The following BMI1 variants were observed in gnomAD, a reference collection of about 807,000 sequenced individuals.
BMI1 encodes the protein polycomb complex protein BMI-1.
BMI1 carries 9 observed loss-of-function variants against 39.1 expected under a neutral mutation model. The ratio of observed to expected loss-of-function variants is 0.23; its 90% CI spans 0.14 to 0.40. The LOEUF (loss-of-function observed/expected upper bound fraction) is 0.40, where lower values mean the gene tolerates loss of function less well. Ranked by LOEUF, BMI1 falls within the 10% of genes least tolerant of loss-of-function variation. BMI1 has a pLI of 1.00. For synonymous variants in BMI1, 131 were observed against 127.9 expected (o/e 1.02, Z -0.16); for missense variants, 252 against 390.8 (o/e 0.64, Z 2.99).
At chr10:22,324,952 A>G (rs148078733) in intron 1 of BMI1, among the ~76,000 whole-genome samples, 10 of 152,184 alleles carry the variant, frequency 6.6e-5, no homozygotes, top group Non-Finnish European at 1.5e-4. Flanking sequence ...GGGGTTTTAC[A>G]TTTGTTTTTC....
rs371194521 is a variant in BMI1, at chr10:22,329,015, C to G, written c.571-33C>G. On this transcript the variant is annotated intron_variant, in intron 8 of 9. Transcript: ENST00000376663. Reference sequence around the variant, plus strand: ...CAAAAAATGTACATTTACCTTTGTTCTTTTATTACTTAATAAAAATATTTT... The same window carrying G: ...CAAAAAATGTACATTTACCTTTGTTGTTTTATTACTTAATAAAAATATTTT... 5.2e-6 allele frequency: 8 copies of G among 1,552,062 alleles called. No individual in the cohort carries two copies. The African/African-American group carries it at 9.7e-5, about 19-fold the overall frequency.
In BMI1 at chr10:22,327,776, T is replaced by C; in HGVS notation, c.300T>C (p.Ala100=). ...EMKRRRDFYA[A]HPSADAANGS... ...AGAGAAGAAGGGATTTTTATGCAGC[T>C]CATCCTTCTGCTGATGGTAAACCTT... The change falls in exon 5 of 10, where the codon GCT becomes GCC. Residue 100 remains alanine, a synonymous_variant. Transcript: ENST00000376663. 2 of 1,613,374 alleles carry C rather than the reference T, an allele frequency of 1.2e-6. No individual in the cohort carries two copies. The highest frequency in any genetic ancestry group is 1.7e-6 in the Non-Finnish European group (2 of 1,179,604).
intron 1 of BMI1, chr10:22,325,580 ACCCCGCCCCCG>A (rs1440143740): frequency 8.8e-5 from 1 of 11,390 alleles, no homozygotes; most frequent in Admixed American, 8.7e-4. Context: ...CGCCGCACCC[ACCCCGCCCCCG>A]CGCCGGCCCC....
At chr10:22,331,693 AT>A (rs1317508928), downstream of BMI1, among the ~76,000 whole-genome samples, 5 of 152,166 alleles carry the variant, frequency 3.3e-5, no homozygotes. Context: ...TGGAATTCAA[AT>A]TTTACATCTC....
intron 3 of BMI1, 39 bp downstream of exon 3, chr10:22,327,025 T>G (rs1343397994): frequency 3.1e-6 from 5 of 1,599,398 alleles, no homozygotes; most frequent in Admixed American, 3.4e-5. Flanking sequence ...TAATTATTAT[T>G]GGAGTTGTAT....
At chr10:22,327,457 T>C in intron 3 of BMI1, 138 bp from the exon 4 acceptor site, 1 of 881,388 alleles carries the variant, frequency 1.1e-6, no homozygotes, top group East Asian at 2.7e-5. Context: ...CTCATAGTTT[T>C]TATCTTATCA....
rs1252094983 is a variant in BMI1 at position 22,331,007 on chromosome 10, AAAAGAAGCACAATTCT to A, written c.*1467_*1482del. 4 of 152,612 alleles carry A rather than the reference AAAAGAAGCACAATTCT, an allele frequency of 2.6e-5. No homozygotes were observed. The highest frequency in any genetic ancestry group is 5.9e-5 in the Non-Finnish European group (4 of 67,982). 9.5% of individuals were successfully genotyped at this position (152,612 alleles called of 1,614,324 possible). A position where few individuals can be genotyped will look rare whatever the true frequency, so the allele number is the denominator to read the frequency against. The stretch of plus-strand genomic sequence containing the variant: ...AAACATTTCATTGTCCCCAGTCTGC[AAAAGAAGCACAATTCT>A]ATTGCTTTGTCTTGCTTATAGTCAT... On this transcript the variant is annotated 3_prime_UTR_variant, in exon 10 of 10. Coordinates refer to ENST00000376663, the MANE Select transcript of BMI1 (RefSeq NM_005180.9).
chr10:22,321,720 C>T (rs1262636115), intron 1 of BMI1, 24 bp downstream of exon 1: 4 of 150,250 alleles, frequency 2.7e-5, no homozygotes, highest in Non-Finnish European at 5.9e-5. Flanking sequence ...GAGGCGCCCC[C>T]GGGACGGGGC....
rs1836251878 is a variant in BMI1 at position 22,330,117 on chromosome 10, G to T, written c.*575G>T. The T allele has an allele frequency of 6.5e-6, 1 of 153,032 alleles. No homozygotes were observed. The highest frequency in any genetic ancestry group is 2.1e-4 in the South Asian group (1 of 4,854). 9.5% of individuals were successfully genotyped at this position (153,032 alleles called of 1,614,324 possible). ...TACGCAAAACCGATCAAAGAAAAGT[G>T]AACTTCAGTTTTACAATCTGTATGC... is the stretch of plus-strand genomic sequence containing the variant. On this transcript the variant is annotated 3_prime_UTR_variant, in exon 10 of 10. Coordinates refer to ENST00000376663, the MANE Select transcript of BMI1 (RefSeq NM_005180.9).
rs1201279338 is a variant in BMI1, at chr10:22,331,024, A to G, written c.*1482A>G. On this transcript the variant is annotated 3_prime_UTR_variant, in exon 10 of 10. Coordinates refer to ENST00000376663, the MANE Select transcript of BMI1 (RefSeq NM_005180.9). ...CAGTCTGCAAAAGAAGCACAATTCT[A>G]TTGCTTTGTCTTGCTTATAGTCATT... 6.6e-6 allele frequency: 1 copy of G among 152,602 alleles called. No homozygotes were observed. The highest frequency in any genetic ancestry group is 2.4e-5 in the African/African-American group (1 of 41,458). The allele number at this position is 152,602 out of a possible 1,614,324, so 9.5% of individuals were successfully genotyped here. A position where few individuals can be genotyped will look rare whatever the true frequency, so the allele number is the denominator to read the frequency against.
Position 22,331,268 on chromosome 10 carries a change from A to G in BMI1, c.*1726A>G, listed in dbSNP as rs1407190151. 6.6e-6 allele frequency: 1 copy of G among 152,332 alleles called. No homozygotes were observed. The highest frequency in any genetic ancestry group is 1.5e-5 in the Non-Finnish European group (1 of 67,978). 9.4% of individuals were successfully genotyped at this position (152,332 alleles called of 1,614,324 possible). On this transcript the variant is annotated 3_prime_UTR_variant, in exon 10 of 10. Transcript: ENST00000376663. ...GATATTCATTTAGAAAATAGCTAAGATCTTTAATAAAAATTTGATATGAAA... is the reference window on the plus strand; with the variant it reads ...GATATTCATTTAGAAAATAGCTAAGGTCTTTAATAAAAATTTGATATGAAA...
intron 7 of BMI1, 68 bp from the exon 8 acceptor site, chr10:22,328,532 A>G (rs1205211660): frequency 1.3e-6 from 2 of 1,497,556 alleles, no homozygotes; most frequent in Non-Finnish European, 1.8e-6. Flanking sequence ...ATATTCAAGC[A>G]ATCAAATTGA....
rs767692282 is a variant in BMI1 at position 22,328,169 on chromosome 10, C to G, written c.461C>G (p.Ser154Cys). 8 of 1,598,988 alleles carry G rather than the reference C, an allele frequency of 5.0e-6. No homozygotes were observed. In the East Asian group the frequency reaches 1.8e-4, roughly 36 times the overall value. The change falls in exon 7 of 10, where the codon TCT becomes TGT. Residue 154 changes from serine (S) to cysteine (C), a missense_variant. By Grantham distance (112) the Ser-to-Cys change is moderately radical. Around this residue, in one of 4 missense-constraint regions of BMI1, gnomAD observed 67 missense variants for 69.9 expected, o/e 0.96. Coordinates refer to ENST00000376663, the MANE Select transcript of BMI1 (RefSeq NM_005180.9). The stretch of plus-strand genomic sequence containing the variant: ...AAAGTAAACAAAGACAAAGAGAAAT[C>G]TAAGGAGGAGGTATGTTTCATGTTA... ...DRKVNKDKEKSKEEVNDKRYL... is the reference protein window; with the variant it reads ...DRKVNKDKEKCKEEVNDKRYL...
In BMI1 at chr10:22,329,165, A is replaced by G. The variant is rs1338298838; in HGVS notation, c.651+37A>G. 2.5e-6 allele frequency: 4 copies of G among 1,610,266 alleles called. No individual in the cohort carries two copies. The African/African-American group carries it at 5.4e-5, about 22-fold the overall frequency. ...ATCTGTTGTTAGATTATGATGGTAAACTATATTTAAAGAATTAAGAGTAAT... is the reference window on the plus strand; with the variant it reads ...ATCTGTTGTTAGATTATGATGGTAAGCTATATTTAAAGAATTAAGAGTAAT... On this transcript the variant is annotated intron_variant, in intron 9 of 9. Coordinates refer to ENST00000376663, the MANE Select transcript of BMI1 (RefSeq NM_005180.9).
chr10:22,328,109 C>G (rs771686563), intron 6 of BMI1, 25 bp from the exon 7 acceptor site: 1 of 1,594,058 alleles, frequency 6.3e-7, no homozygotes, highest in Non-Finnish European at 8.5e-7. Flanking sequence ...TAGATTGTTT[C>G]ACTAATAAAT....
At chr10:22,326,352 A>G in intron 1 of BMI1, 79 bp from the exon 2 acceptor site, 1 of 1,566,630 alleles carries the variant, frequency 6.4e-7, no homozygotes, top group Non-Finnish European at 8.6e-7. Context: ...TTATAAATTC[A>G]GTGTTTCAGG....
At chr10:22,327,860 T>C (rs893856148) in intron 5 of BMI1, 68 bp downstream of exon 5, 5 of 1,600,614 alleles carry the variant, frequency 3.1e-6, no homozygotes, top group Non-Finnish European at 4.3e-6. Flanking sequence ...TAAAATGTAT[T>C]AAAATTGACT....
chr10:22,326,544 T>C lies in BMI1; in HGVS notation c.95T>C (p.Ile32Thr). The change falls in exon 2 of 10, where the codon ATA (isoleucine) becomes ACA (threonine). Residue 32 changes from isoleucine (I) to threonine (T), a missense_variant. Around this residue, in one of 4 missense-constraint regions of BMI1, gnomAD observed 62 missense variants for 123.3 expected, o/e 0.50. Transcript: ENST00000376663. ...GGYFIDATTI[I>T]ECLHSFCKTC... ...TACTTCATTGATGCCACAACCATAA[T>C]AGAATGTCTACATTCCTGTAAGTAC... 4 of 1,613,006 alleles carry C rather than the reference T, an allele frequency of 2.5e-6. No individual in the cohort carries two copies. The highest frequency in any genetic ancestry group is 1.3e-5 in the African/African-American group (1 of 74,984).
intron 3 of BMI1, 72 bp from the exon 4 acceptor site, chr10:22,327,523 C>A: frequency 1.4e-6 from 2 of 1,404,336 alleles, no homozygotes; most frequent in East Asian, 2.3e-5. Context: ...CAAAAGAAGA[C>A]TATAGAAACT....
Sources: gnomAD v4.1 joint callset for allele counts (sites outside exome capture counted in the v4.1 genomes callset) on GRCh38, gnomAD v4.1.1 for gene constraint, gnomAD v4.1.1 regional missense constraint, MANE v1.5 for transcripts, NCBI Gene and HGNC (gene_info 2026-07-23, HGNC 2026-07-21) for gene names.